Variants in TRAF7 observed in about 807,000 individuals in gnomAD.
TRAF7 encodes the protein TNF receptor associated factor 7, also known as E3 ubiquitin-protein ligase TRAF7.
Under a neutral mutation model 89.3 loss-of-function variants are expected in TRAF7, and 45 were observed. The ratio of observed to expected loss-of-function variants is 0.50; its 90% CI spans 0.40 to 0.65. TRAF7 has a LOEUF of 0.65. TRAF7 is among the 30% of genes least tolerant of loss of function. The pLI, the probability that TRAF7 is intolerant of heterozygous loss-of-function variation, is 0.00. For synonymous variants in TRAF7, 406 were observed against 369.2 expected (o/e 1.10, Z -1.14); for missense variants, 677 against 918.1 (o/e 0.74, Z 3.39).
At position 2,173,257 on chromosome 16, in the gene TRAF7, T is replaced by G. The variant is rs1442106565; in HGVS notation, c.870T>G (p.Phe290Leu). Reference sequence around the variant, plus strand: ...GCCGCTTCGAGGGCCTGAAGGAGTTTCTGCAGCAGACGGATGACCGCTTCC... The same window carrying G: ...GCCGCTTCGAGGGCCTGAAGGAGTTGCTGCAGCAGACGGATGACCGCTTCC... ...ETCRFEGLKE[F>L]LQQTDDRFHE... Residue 290 changes from phenylalanine to leucine, a missense_variant, in exon 10 of 21, where the codon TTT (phenylalanine) becomes TTG (leucine). Around this residue, in one of 6 missense-constraint regions of TRAF7, gnomAD observed 238 missense variants for 352.6 expected, o/e 0.67. Transcript: ENST00000326181. 6.2e-7 allele frequency: 1 copy of G among 1,613,414 alleles called. No individual in the cohort carries two copies.
rs948704360 is a variant in TRAF7, at chr16:2,158,775, G to GT, written c.-39+2917_-39+2918insT. On this transcript the variant is annotated intron_variant, in intron 1 of 20. Coordinates refer to ENST00000326181, the MANE Select transcript of TRAF7 (RefSeq NM_032271.3). This position sits in a 1 kb window ranked among gnomAD's most constrained non-coding sequence, Gnocchi z 4.7. ...TGGGAAGCGTGGGCTCGGCGGGGGG[G>GT]GGGGGGACACTGCCACCCTTGGCTC... 2.0e-5 allele frequency among the ~76,000 whole-genome samples: 3 copies of GT among 151,440 alleles called. No individual in the cohort carries two copies. Among genetic ancestry groups the GT allele is most frequent in the South Asian group, 4.2e-4 (2 of 4,744 alleles).
At chr16:2,160,583 G>A (rs932121700) in intron 1 of TRAF7, among the ~76,000 whole-genome samples, 21 of 146,298 alleles carry the variant, frequency 1.4e-4, no homozygotes, top group African/African-American at 5.1e-4. Context: ...GGCGGTGCTC[G>A]GGCAGGCGTG....
rs141368850 is a variant in TRAF7, at chr16:2,158,403, C to G, written c.-39+2545C>G. ...GGCTGGGGCTGGTCACGTGTAGACC[C>G]GGACACCCTCACCCGGCTGGAGGAA... On this transcript the variant is annotated intron_variant, in intron 1 of 20. Coordinates refer to ENST00000326181, the MANE Select transcript of TRAF7 (RefSeq NM_032271.3). The surrounding 1 kb of genome is among the most constrained non-coding windows in gnomAD (Gnocchi z 4.7). Among the ~76,000 whole-genome samples, 1 of 152,104 alleles carries G rather than the reference C, an allele frequency of 6.6e-6. No individual in the cohort carries two copies. The highest frequency in any genetic ancestry group is 1.9e-4 in the East Asian group (1 of 5,192).
rs1360340212 is a variant in TRAF7 at position 2,158,032 on chromosome 16, T to C, written c.-39+2174T>C. Among the ~76,000 whole-genome samples, 1 of 152,128 alleles carries C rather than the reference T, an allele frequency of 6.6e-6. No individual in the cohort carries two copies. On this transcript the variant is annotated intron_variant, in intron 1 of 20. Coordinates refer to ENST00000326181, the MANE Select transcript of TRAF7 (RefSeq NM_032271.3). This position sits in a 1 kb window ranked among gnomAD's most constrained non-coding sequence, Gnocchi z 4.7. ...GGCCAGGAGGGCAGGTACACAGCTG[T>C]GAAGTGGTAGAAGTGGACTTTGAAC...
At position 2,176,245 on chromosome 16, in the gene TRAF7, C is replaced by G; in HGVS notation, c.1879-20C>G. ...TGGCAGCTGAGCTCCGGCGGGCCCT[C>G]ACGTCCCATGTGCCCCCAGGTCTGG... On this transcript the variant is annotated intron_variant, in intron 19 of 20. Transcript: ENST00000326181. 6.2e-7 allele frequency: 1 copy of G among 1,600,692 alleles called. No homozygotes were observed. Among genetic ancestry groups the G allele is most frequent in the Middle Eastern group, 1.7e-4 (1 of 6,056 alleles).
intron 3 of TRAF7, among the ~76,000 whole-genome samples, chr16:2,167,754 T>G (rs192244023): frequency 3.6e-4 from 55 of 152,166 alleles, no homozygotes; most frequent in African/African-American, 1.2e-3. Context: ...GCTGGCTCAA[T>G]TGGGGTGCTG....
At chr16:2,171,090 C>G (rs375946445) in intron 5 of TRAF7, among the ~76,000 whole-genome samples, 174 bp from the exon 6 acceptor site, 51 of 152,312 alleles carry the variant, frequency 3.3e-4, no homozygotes, top group African/African-American at 1.1e-3. Flanking sequence ...CCACAGACCT[C>G]GCTCTCCCTC....
rs1399497029 is a variant in TRAF7, at chr16:2,158,772, G to GA, written c.-39+2914_-39+2915insA. 6.6e-6 allele frequency among the ~76,000 whole-genome samples: 1 copy of GA among 150,904 alleles called. No homozygotes were observed. The highest frequency in any genetic ancestry group is 1.9e-4 in the East Asian group (1 of 5,132). On this transcript the variant is annotated intron_variant, in intron 1 of 20. Transcript: ENST00000326181. The surrounding 1 kb of genome is among the most constrained non-coding windows in gnomAD (Gnocchi z 4.7). ...GACTGGGAAGCGTGGGCTCGGCGGG[G>GA]GGGGGGGGGACACTGCCACCCTTGG...
chr16:2,171,693 C>T, intron 7 of TRAF7, 88 bp downstream of exon 7: 1 of 1,592,704 alleles, frequency 6.3e-7, no homozygotes, highest in Non-Finnish European at 8.6e-7. Flanking sequence ...GTCCCCTGCA[C>T]AGCGTCCGGC....
At chr16:2,160,850 TG>T (rs1446161891) in intron 1 of TRAF7, among the ~76,000 whole-genome samples, 1 of 151,966 alleles carries the variant, frequency 6.6e-6, no homozygotes, top group East Asian at 1.9e-4. Flanking sequence ...ACTCTCCCTC[TG>T]GGGGGCCAGG....
chr16:2,166,218 C>T (rs2093086167), intron 3 of TRAF7, among the ~76,000 whole-genome samples: 1 of 152,222 alleles, frequency 6.6e-6, no homozygotes, highest in African/African-American at 2.4e-5. Context: ...CTGACATCTC[C>T]AGCACCACCA....
chr16:2,173,859 T>TGGGGGCCCCCCCCCCCCCCCCC, intron 12 of TRAF7, 23 bp downstream of exon 12: 1 of 1,246,254 alleles, frequency 8.0e-7, no homozygotes, highest in Non-Finnish European at 1.1e-6. Flanking sequence ...CCGCCGTGGC[T>TGGGGGCCCCCCCCCCCCCCCCC]CCCGCCCACC....
rs1025400765 is a variant in TRAF7 at position 2,162,372 on chromosome 16, G to A, written c.-38-1511G>A. Among the ~76,000 whole-genome samples the A allele has an allele frequency of 6.6e-6, 1 of 152,152 alleles. No homozygotes were observed. Among genetic ancestry groups the A allele is most frequent in the Non-Finnish European group, 1.5e-5 (1 of 68,006 alleles). Reference sequence around the variant, plus strand: ...CTGGGGGGCCCCAGGCCAGACTGTGGGCACGGTGGTGGGTGATGAGTGGCA... The same window carrying A: ...CTGGGGGGCCCCAGGCCAGACTGTGAGCACGGTGGTGGGTGATGAGTGGCA... On this transcript the variant is annotated intron_variant, in intron 1 of 20. Coordinates refer to ENST00000326181, the MANE Select transcript of TRAF7 (RefSeq NM_032271.3). The surrounding 1 kb of genome is among the most constrained non-coding windows in gnomAD (Gnocchi z 5.0).
rs976981480 is a variant in TRAF7 at position 2,172,617 on chromosome 16, G to A, written c.794+18G>A. The A allele has an allele frequency of 2.8e-6, 4 of 1,437,576 alleles. No homozygotes were observed. The highest frequency in any genetic ancestry group is 2.8e-5 in the African/African-American group (2 of 70,966). 89.1% of individuals were successfully genotyped at this position (1,437,576 alleles called of 1,614,324 possible). A position where few individuals can be genotyped will look rare whatever the true frequency, so the allele number is the denominator to read the frequency against. The stretch of plus-strand genomic sequence containing the variant: ...AAGTACGGGTGAGTGGGGGGCGGGC[G>A]GGGGTGGGCCGGGGTGGGCGCAGGC... On this transcript the variant is annotated intron_variant, in intron 9 of 20. Coordinates refer to ENST00000326181, the MANE Select transcript of TRAF7 (RefSeq NM_032271.3).
intron 2 of TRAF7, among the ~76,000 whole-genome samples, 176 bp downstream of exon 2, chr16:2,164,177 C>CGCGCACGCGT (rs1169672001): frequency 8.5e-5 from 10 of 117,750 alleles, no homozygotes; most frequent in Middle Eastern, 4.1e-3. Context: ...CGCGCGCGCG[C>CGCGCACGCGT]GCGCACGCGT....
intron 14 of TRAF7, 75 bp from the exon 15 acceptor site, chr16:2,175,036 C>T (rs1596679599): frequency 6.3e-7 from 1 of 1,593,250 alleles, no homozygotes; most frequent in Non-Finnish European, 8.6e-7. Context: ...CTGGCATGGA[C>T]CTCGGGCCCT....
chr16:2,157,632 C>T (rs2093040520), intron 1 of TRAF7, among the ~76,000 whole-genome samples: 1 of 152,080 alleles, frequency 6.6e-6, no homozygotes, highest in African/African-American at 2.4e-5. Context: ...TGACTCTCGG[C>T]CAGCTGGTTG....
At chr16:2,167,277 C>T (rs1029130575) in intron 3 of TRAF7, among the ~76,000 whole-genome samples, 13 of 152,184 alleles carry the variant, frequency 8.5e-5, no homozygotes, top group African/African-American at 3.1e-4. Flanking sequence ...TCACCTGGCC[C>T]CTCATGACAG....
In TRAF7 at chr16:2,176,108, G is replaced by C; in HGVS notation, c.1806G>C (p.Val602=). Residue 602 remains valine (V), a synonymous_variant, in exon 19 of 21, where the codon GTG becomes GTC. Transcript: ENST00000326181. ...VRTLTGHVGT[V]YALAVISTPD... ...CCCTCACGGGCCACGTGGGCACCGT[G>C]TATGCCCTGGCGGTCATCTCGACGC... 6.2e-7 allele frequency: 1 copy of C among 1,611,350 alleles called. No homozygotes were observed. The highest frequency in any genetic ancestry group is 8.5e-7 in the Non-Finnish European group (1 of 1,179,582).
Sources: allele counts gnomAD v4.1 joint callset (sites outside exome capture counted in the v4.1 genomes callset), GRCh38; gene constraint gnomAD v4.1.1; regional missense constraint gnomAD v4.1.1; non-coding constraint Gnocchi (gnomAD v3.1); transcripts MANE v1.5; gene names NCBI Gene and HGNC (gene_info 2026-07-23, HGNC 2026-07-21).